Variants in RFX7 observed in about 807,000 individuals in gnomAD.
RFX7 encodes the protein DNA-binding protein RFX7.
RFX7 carries 26 observed loss-of-function variants against 111.8 expected under a neutral mutation model. That is an observed-to-expected ratio of 0.23 (90% CI 0.17 to 0.32). RFX7 has a LOEUF of 0.32. Ranked by LOEUF, RFX7 falls within the 10% of genes least tolerant of loss-of-function variation. RFX7 has a pLI of 1.00. For synonymous variants in RFX7, 624 were observed against 624.4 expected, an observed-to-expected ratio of 1.00 and a Z score of 0.01; for missense variants, 1,573 against 1,772.9, an observed-to-expected ratio of 0.89 and a Z score of 2.02.
intron 5 of RFX7, among the ~76,000 whole-genome samples, chr15:56,127,304 T>C (rs903813333): frequency 6.6e-6 from 1 of 151,414 alleles, no homozygotes; most frequent in African/African-American, 2.4e-5. Context: ...TATCAAAATA[T>C]ATGGGATGTA....
chr15:56,189,258 A>C (rs1335619607), intron 2 of RFX7, among the ~76,000 whole-genome samples: 11 of 152,236 alleles, frequency 7.2e-5, no homozygotes, highest in African/African-American at 2.6e-4. Context: ...GTGGTGGTGC[A>C]TGCCTGTAGC....
intron 2 of RFX7, among the ~76,000 whole-genome samples, chr15:56,228,938 C>G (rs2043517283): frequency 6.6e-6 from 1 of 151,830 alleles, no homozygotes; most frequent in African/African-American, 2.4e-5. Context: ...ATTGTAAGAA[C>G]AAAATAGAAT....
intron 3 of RFX7, among the ~76,000 whole-genome samples, chr15:56,159,490 G>C (rs534252452): frequency 1.3e-5 from 2 of 152,246 alleles, no homozygotes; most frequent in African/African-American, 4.8e-5. Context: ...GTGCAGAAAA[G>C]GGCAGATACT....
At chr15:56,215,061 G>A (rs2043350263) in intron 2 of RFX7, among the ~76,000 whole-genome samples, 1 of 152,116 alleles carries the variant, frequency 6.6e-6, no homozygotes. Flanking sequence ...TGGGTATCAA[G>A]GTACTAGTTC....
At chr15:56,131,550 T>G (rs1324232474) in intron 5 of RFX7, among the ~76,000 whole-genome samples, 1 of 152,210 alleles carries the variant, frequency 6.6e-6, no homozygotes, top group Non-Finnish European at 1.5e-5. Flanking sequence ...TGAGACACTG[T>G]GCCCGGCCTA....
intron 3 of RFX7, among the ~76,000 whole-genome samples, chr15:56,163,193 A>G (rs2042745084): frequency 6.6e-6 from 1 of 152,094 alleles, no homozygotes; most frequent in South Asian, 2.1e-4. Flanking sequence ...GAAGAAGATA[A>G]TTTTTTGGAA....
intron 1 of RFX7, 26 bp downstream of exon 1, chr15:56,243,419 G>A: frequency 8.8e-7 from 1 of 1,131,972 alleles, no homozygotes; most frequent in East Asian, 7.7e-5. Flanking sequence ...GGAGGAGGAA[G>A]GAAGCTGGAT....
rs1254697484 is a variant in RFX7, at chr15:56,096,367, C to T, written c.1361G>A (p.Ser454Asn). The part of the protein sequence containing the change: ...IRSPTTVLFT[S>N]SPIKTAVVPA... The stretch of plus-strand genomic sequence containing the variant: ...TACAACAGCAGTTTTGATGGGACTA[C>T]TAGTAAAGAGGACAGTAGTTGGAGA... Residue 454 changes from serine to asparagine, a missense_variant, in exon 10 of 10, where the codon AGT becomes AAT. By Grantham distance (46) the Ser-to-Asn change is conservative. Coordinates refer to ENST00000559447, the MANE Select transcript of RFX7 (RefSeq NM_022841.7). 1.2e-6 allele frequency: 2 copies of T among 1,613,896 alleles called. No individual in the cohort carries two copies. Among genetic ancestry groups the T allele is most frequent in the South Asian group, 1.1e-5 (1 of 91,082 alleles).
intron 5 of RFX7, among the ~76,000 whole-genome samples, chr15:56,105,756 A>G (rs563501575): frequency 2.0e-5 from 3 of 152,304 alleles, no homozygotes; most frequent in African/African-American, 7.2e-5. Context: ...CAAAATTAAT[A>G]TAGTAGTTTA....
intron 5 of RFX7, among the ~76,000 whole-genome samples, chr15:56,139,193 TA>T (rs2042350961): frequency 6.6e-6 from 1 of 151,872 alleles, no homozygotes; most frequent in South Asian, 2.1e-4. Flanking sequence ...TTCTCCTGGA[TA>T]ATATCCTGCA....
chr15:56,121,699 G>GTGTGCTTCA (rs1567016379), intron 5 of RFX7, among the ~76,000 whole-genome samples: 1 of 152,002 alleles, frequency 6.6e-6, no homozygotes, highest in Non-Finnish European at 1.5e-5. Flanking sequence ...GATCTTGTAG[G>GTGTGCTTCA]TGTGCTTCAT....
intron 3 of RFX7, among the ~76,000 whole-genome samples, chr15:56,176,632 G>A (rs1262097186): frequency 6.6e-6 from 1 of 152,008 alleles, no homozygotes; most frequent in Non-Finnish European, 1.5e-5. Context: ...GATAAACACA[G>A]ACTGAGAAAA....
chr15:56,094,351 G>C lies in RFX7; in HGVS notation c.3377C>G (p.Pro1126Arg). The change falls in exon 10 of 10, where the codon CCT becomes CGT. Residue 1126 changes from proline (P) to arginine (R), a missense_variant. Physicochemically the swap from Pro to Arg is moderately radical, Grantham distance 103. Coordinates refer to ENST00000559447, the MANE Select transcript of RFX7 (RefSeq NM_022841.7). ...TACAGTGGCACCTTGATGCTGCACAGGAGAGACAGGAGTCAAACGACCAAA... is the reference window on the plus strand; with the variant it reads ...TACAGTGGCACCTTGATGCTGCACACGAGAGACAGGAGTCAAACGACCAAA... ...THFGRLTPVS[P>R]VQHQGATVNN... 1 of 1,613,974 alleles carries C rather than the reference G, an allele frequency of 6.2e-7. No homozygotes were observed. The highest frequency in any genetic ancestry group is 8.5e-7 in the Non-Finnish European group (1 of 1,179,886).
chr15:56,225,817 T>G (rs1169104286), intron 2 of RFX7, among the ~76,000 whole-genome samples: 1 of 152,170 alleles, frequency 6.6e-6, no homozygotes, highest in African/African-American at 2.4e-5. Context: ...AATAATATTT[T>G]TATATCAAAG....
intron 3 of RFX7, among the ~76,000 whole-genome samples, chr15:56,170,773 T>C (rs1307242029): frequency 2.0e-5 from 3 of 152,158 alleles, no homozygotes; most frequent in Non-Finnish European, 2.9e-5. Context: ...AGTGCATATA[T>C]GATATAAAAC....
chr15:56,095,092 T>A lies in RFX7; in HGVS notation c.2636A>T (p.Asp879Val). 2 of 1,613,922 alleles carry A rather than the reference T, an allele frequency of 1.2e-6. No individual in the cohort carries two copies. Among genetic ancestry groups the A allele is most frequent in the Non-Finnish European group, 1.7e-6 (2 of 1,179,836 alleles). ...AATACTATCTTGTGTAAGTTCATCATCAAAAGGAAAGTAGCTTTCATTTGT... is the reference window on the plus strand; with the variant it reads ...AATACTATCTTGTGTAAGTTCATCAACAAAAGGAAAGTAGCTTTCATTTGT... The part of the protein sequence containing the change: ...SQTNESYFPF[D>V]DELTQDSIVE... Residue 879 changes from aspartate to valine, a missense_variant, in exon 10 of 10, where the codon GAT becomes GTT. Asp to Val is a radical substitution (Grantham distance 152). This residue lies in a region of RFX7 where 625 missense variants were observed against 632.2 expected (regional missense o/e 0.99). Coordinates refer to ENST00000559447, the MANE Select transcript of RFX7 (RefSeq NM_022841.7).
At chr15:56,236,676 T>C (rs1281765360) in intron 2 of RFX7, among the ~76,000 whole-genome samples, 1 of 152,230 alleles carries the variant, frequency 6.6e-6, no homozygotes, top group Non-Finnish European at 1.5e-5. Context: ...AAAGAGTACA[T>C]ACTTTTCTTA....
At chr15:56,242,993 C>T (rs1596034503) in intron 2 of RFX7, 132 bp downstream of exon 2, 1 of 670,356 alleles carries the variant, frequency 1.5e-6, no homozygotes, top group Non-Finnish European at 2.3e-6. Flanking sequence ...AAATGTGCAC[C>T]CGACTGGGGA....
chr15:56,196,854 A>T (rs1172720369), intron 2 of RFX7, among the ~76,000 whole-genome samples: 1 of 152,160 alleles, frequency 6.6e-6, no homozygotes, highest in Admixed American at 6.5e-5. Flanking sequence ...ACAACATTGC[A>T]ACAAATGTTT....
Sources: allele counts gnomAD v4.1 joint callset (sites outside exome capture counted in the v4.1 genomes callset), GRCh38; gene constraint gnomAD v4.1.1; regional missense constraint gnomAD v4.1.1; transcripts MANE v1.5; gene names NCBI Gene and HGNC (gene_info 2026-07-23, HGNC 2026-07-21).